Variants in MCTP2 observed in about 807,000 individuals in gnomAD.
MCTP2 encodes multiple C2 and transmembrane domain-containing protein 2.
MCTP2 carries 132 observed loss-of-function variants against 111.6 expected under a neutral mutation model. The ratio of observed to expected loss-of-function variants is 1.18; its 90% CI spans 1.03 to 1.37. The LOEUF is 1.37. Among genes scored for constraint, MCTP2 ranks in the 40% most tolerant of loss-of-function variants. MCTP2 has a pLI of 0.00. For synonymous variants in MCTP2, 395 were observed against 387.7 expected (o/e 1.02, Z -0.22); for missense variants, 1,183 against 1,067.9 (o/e 1.11, Z -1.50).
intron 4 of MCTP2, among the ~76,000 whole-genome samples, chr15:94,333,952 G>A (rs973630300): frequency 1.3e-5 from 2 of 152,148 alleles, no homozygotes; most frequent in African/African-American, 4.8e-5. Flanking sequence ...AAACCTAAGA[G>A]ACGATGATAT....
At chr15:94,432,562 C>T (rs1036038217) in intron 17 of MCTP2, among the ~76,000 whole-genome samples, 1 of 151,992 alleles carries the variant, frequency 6.6e-6, no homozygotes, top group African/African-American at 2.4e-5. Context: ...ATAAAACAAC[C>T]CATGATTTTG....
At position 94,385,450 on chromosome 15, in the gene MCTP2, G is replaced by A. The variant is rs779050064; in HGVS notation, c.1713G>A (p.Leu571=). The A allele has an allele frequency of 2.5e-6, 4 of 1,612,976 alleles. No homozygotes were observed. Among genetic ancestry groups the A allele is most frequent in the Admixed American group, 1.7e-5 (1 of 59,984 alleles). ...CCATTAAAGATATCCATGATGTTTTGGAAGTGACAGTGTTTGATGAAGATG... is the reference window on the plus strand; with the variant it reads ...CCATTAAAGATATCCATGATGTTTTAGAAGTGACAGTGTTTGATGAAGATG... The part of the protein sequence containing the change: ...TFPIKDIHDV[L]EVTVFDEDGD... The change falls in exon 14 of 23, where the codon TTG becomes TTA. Residue 571 remains leucine (L), a synonymous_variant. Transcript: ENST00000357742.
chr15:94,413,968 A>C (rs2152487953), intron 17 of MCTP2, among the ~76,000 whole-genome samples: 1 of 152,282 alleles, frequency 6.6e-6, no homozygotes, highest in Non-Finnish European at 1.5e-5. Flanking sequence ...TGAAAATGCA[A>C]ACTCTAAAGG....
At chr15:94,331,493 A>G (rs935358248) in intron 4 of MCTP2, among the ~76,000 whole-genome samples, 3 of 152,036 alleles carry the variant, frequency 2.0e-5, no homozygotes, top group Non-Finnish European at 2.9e-5. Flanking sequence ...GGGGCTGAGG[A>G]AGTTCAGGGG....
At chr15:94,252,921 TTTATC>T (rs903781534) in intron 1 of MCTP2, among the ~76,000 whole-genome samples, 5 of 152,176 alleles carry the variant, frequency 3.3e-5, no homozygotes, top group African/African-American at 1.2e-4. Context: ...TGTTGTTTAT[TTTATC>T]TTATCTCTTG....
intron 12 of MCTP2, among the ~76,000 whole-genome samples, chr15:94,382,044 A>G (rs3784651): frequency 0.25 from 38,693 of 152,202 alleles, 7,480 homozygotes; most frequent in East Asian, 0.76. Flanking sequence ...TATTCCCTTT[A>G]TGAGTTCTGG....
chr15:94,318,078 C>T (rs1295383546), intron 4 of MCTP2, among the ~76,000 whole-genome samples: 10 of 151,990 alleles, frequency 6.6e-5, no homozygotes, highest in Non-Finnish European at 1.5e-4. Flanking sequence ...CCACAGATAT[C>T]CTGATTCTTA....
chr15:94,328,393 G>A (rs1439634756), intron 4 of MCTP2, among the ~76,000 whole-genome samples: 1 of 152,152 alleles, frequency 6.6e-6, no homozygotes, highest in Non-Finnish European at 1.5e-5. Flanking sequence ...CTCCCAAAGT[G>A]CTGGGATTCC....
intron 21 of MCTP2, among the ~76,000 whole-genome samples, chr15:94,471,513 A>G (rs1388797703): frequency 4.6e-5 from 7 of 152,230 alleles, no homozygotes; most frequent in South Asian, 2.1e-4. Flanking sequence ...CACGGGAAAA[A>G]TAGAGTAGCT....
rs563449943 is a variant in MCTP2, at chr15:94,435,829, C to T, written c.2086-4347C>T. ...TGTATTTTTAGTAGAGACGGGGTTT[C>T]ACCGTTTTAGCCGGGATGGTCTCGA... On this transcript the variant is annotated intron_variant, in intron 17 of 22. Coordinates refer to ENST00000357742, the MANE Select transcript of MCTP2 (RefSeq NM_001385001.1). 1.0e-4 allele frequency among the ~76,000 whole-genome samples: 15 copies of T among 149,920 alleles called. No homozygotes were observed. In the South Asian group the frequency reaches 3.1e-3, roughly 30 times the overall value.
At chr15:94,296,727 G>A (rs2075293637) in intron 1 of MCTP2, among the ~76,000 whole-genome samples, 1 of 152,206 alleles carries the variant, frequency 6.6e-6, no homozygotes, top group Non-Finnish European at 1.5e-5. Flanking sequence ...AGGCAATGGA[G>A]GCTTAGTGAA....
At chr15:94,471,157 A>G (rs1024510720) in intron 21 of MCTP2, among the ~76,000 whole-genome samples, 1 of 152,194 alleles carries the variant, frequency 6.6e-6, no homozygotes, top group Non-Finnish European at 1.5e-5. Context: ...CTGAGTTGAT[A>G]TAAGGAGAGG....
At position 94,310,523 on chromosome 15, in the gene MCTP2, A is replaced by G. The variant is rs867419783; in HGVS notation, c.466-3759A>G. ...TTAAAAAGGCCAAGCACAGTAGCTC[A>G]TATCTGTAATTCTAGTGCTTTGTGG... is the stretch of plus-strand genomic sequence containing the variant. On this transcript the variant is annotated intron_variant, in intron 2 of 22. Coordinates refer to ENST00000357742, the MANE Select transcript of MCTP2 (RefSeq NM_001385001.1). Among the ~76,000 whole-genome samples, 10 of 152,242 alleles carry G rather than the reference A, an allele frequency of 6.6e-5. No individual in the cohort carries two copies. In the South Asian group the frequency reaches 1.7e-3, roughly 25 times the overall value.
intron 6 of MCTP2, among the ~76,000 whole-genome samples, 184 bp downstream of exon 6, chr15:94,340,459 A>G (rs984909918): frequency 1.2e-4 from 18 of 152,210 alleles, no homozygotes; most frequent in Non-Finnish European, 2.2e-4. Context: ...TGCCAAATAT[A>G]TTAGTCAGAT....
At chr15:94,330,293 T>G (rs1054039916) in intron 4 of MCTP2, among the ~76,000 whole-genome samples, 1 of 152,244 alleles carries the variant, frequency 6.6e-6, no homozygotes, top group African/African-American at 2.4e-5. Context: ...GTCTATTTTC[T>G]TAGACTTAGA....
intron 1 of MCTP2, among the ~76,000 whole-genome samples, chr15:94,243,347 A>G (rs1198325422): frequency 2.8e-5 from 4 of 144,624 alleles, no homozygotes; most frequent in East Asian, 2.0e-4. Flanking sequence ...GCGTATGTAC[A>G]TACATACGTA....
chr15:94,257,569 G>GTT (rs760633548), intron 1 of MCTP2, among the ~76,000 whole-genome samples: 1 of 33,822 alleles, frequency 3.0e-5, no homozygotes, highest in East Asian at 9.8e-4. Context: ...TTTCTTTGTT[G>GTT]TTTTTTTTTT....
Position 94,361,595 on chromosome 15 carries a change from T to G in MCTP2, c.1301+2983T>G, listed in dbSNP as rs2078947984. 2.0e-5 allele frequency among the ~76,000 whole-genome samples: 3 copies of G among 152,352 alleles called. No homozygotes were observed. The South Asian group carries it at 6.2e-4, about 32-fold the overall frequency. On this transcript the variant is annotated intron_variant, in intron 10 of 22. Transcript: ENST00000357742. ...TGGTAGGTATTACTTATTATTAATT[T>G]TGAGATTTTTCTGCACGTAAACTGT...
At chr15:94,457,140 A>G (rs1056215640) in intron 19 of MCTP2, among the ~76,000 whole-genome samples, 5 of 152,216 alleles carry the variant, frequency 3.3e-5, no homozygotes, top group Non-Finnish European at 7.4e-5. Context: ...TGTAAGAACT[A>G]TTTGAGGTTT....
Sources: gnomAD v4.1 joint callset for allele counts (sites outside exome capture counted in the v4.1 genomes callset) on GRCh38, gnomAD v4.1.1 for gene constraint, MANE v1.5 for transcripts, NCBI Gene and HGNC (gene_info 2026-07-23, HGNC 2026-07-21) for gene names.